The following SORCS1 variants were observed in gnomAD, a reference collection of about 807,000 sequenced individuals.
SORCS1 encodes VPS10 domain-containing receptor SorCS1.
A neutral mutation model predicts 146.1 loss-of-function variants in SORCS1; 60 were observed. The observed-to-expected ratio is 0.41, with a 90% CI of 0.33 to 0.51. The LOEUF is 0.51. Among genes scored for constraint, SORCS1 ranks in the 20% least tolerant of loss-of-function variants. The pLI is 0.21. For missense variants in SORCS1, 1,352 were observed against 1,487.6 expected (o/e 0.91, Z 1.50); for synonymous variants, 637 against 584.0 (o/e 1.09, Z -1.31).
chr10:106,885,920 C>T (rs1950982542), intron 2 of SORCS1, among the ~76,000 whole-genome samples: 1 of 152,118 alleles, frequency 6.6e-6, no homozygotes, highest in Admixed American at 6.6e-5. Context: ...TTCACCTTCC[C>T]CCATGATTGT....
chr10:106,582,551 T>A (rs556192364), intron 24 of SORCS1, among the ~76,000 whole-genome samples: 2 of 152,194 alleles, frequency 1.3e-5, no homozygotes, highest in Non-Finnish European at 2.9e-5. Context: ...GCCCAGCACT[T>A]AGGTGCATTT....
At chr10:107,109,487 A>T (rs78599085) in intron 1 of SORCS1, among the ~76,000 whole-genome samples, 1 of 152,200 alleles carries the variant, frequency 6.6e-6, no homozygotes, top group Non-Finnish European at 1.5e-5. Flanking sequence ...CCAAGGATGG[A>T]GCCAGAGGGG....
chr10:106,669,969 T>A (rs1851464027), intron 16 of SORCS1, among the ~76,000 whole-genome samples: 1 of 152,226 alleles, frequency 6.6e-6, no homozygotes. Flanking sequence ...GTTCAGTCAC[T>A]GATATTTTAA....
At chr10:107,168,095 G>T (rs2134978759), upstream of SORCS1, among the ~76,000 whole-genome samples, 1 of 152,266 alleles carries the variant, frequency 6.6e-6, no homozygotes, top group South Asian at 2.1e-4. Context: ...CATTTGGCAG[G>T]ATTCTCTACC....
chr10:107,055,720 T>C (rs1473703543), intron 1 of SORCS1, among the ~76,000 whole-genome samples: 1 of 152,154 alleles, frequency 6.6e-6, no homozygotes, highest in Non-Finnish European at 1.5e-5. Context: ...ATAATACGGC[T>C]GAACATTTCT....
chr10:106,769,021 T>C (rs928854098), intron 4 of SORCS1, among the ~76,000 whole-genome samples: 1 of 152,182 alleles, frequency 6.6e-6, no homozygotes, highest in South Asian at 2.1e-4. Flanking sequence ...CTGATCCTCT[T>C]ACCAGCTCAC....
chr10:106,830,713 T>C (rs1191041216), intron 2 of SORCS1, among the ~76,000 whole-genome samples: 6 of 151,836 alleles, frequency 4.0e-5, no homozygotes, highest in African/African-American at 1.2e-4. Context: ...CTGGCCAACG[T>C]TGCGACACTC....
At chr10:106,581,318 T>TACACAC (rs201071933) in intron 24 of SORCS1, among the ~76,000 whole-genome samples, 13 of 125,662 alleles carry the variant, frequency 1.0e-4, no homozygotes, top group Non-Finnish European at 2.1e-4. Flanking sequence ...TGAATCGTCA[T>TACACAC]ACATACACAC....
Position 107,034,680 on chromosome 10 carries a change from C to CAAAAAAAAAAAAAAAAA in SORCS1, c.559-78117_559-78101dup, listed in dbSNP as rs553032484. On this transcript the variant is annotated intron_variant, in intron 1 of 25. Transcript: ENST00000263054. ...GGGAAACATGAGCGAAACTCCATCT[C>CAAAAAAAAAAAAAAAAA]AAAAAAAAAAAAAAAAAAAAAAAAA... Among the ~76,000 whole-genome samples the CAAAAAAAAAAAAAAAAA allele has an allele frequency of 5.8e-4, 8 of 13,796 alleles. 1 individual carries two copies. The highest frequency in any genetic ancestry group is 5.6e-3 in the East Asian group (2 of 360). 9.1% of individuals were successfully genotyped at this position (13,796 alleles called of 152,430 possible).
At chr10:107,077,811 T>A (rs1406631113) in intron 1 of SORCS1, among the ~76,000 whole-genome samples, 5 of 151,930 alleles carry the variant, frequency 3.3e-5, no homozygotes, top group Non-Finnish European at 7.4e-5. Flanking sequence ...ATACTACATA[T>A]GGCAATGGAA....
intron 1 of SORCS1, among the ~76,000 whole-genome samples, chr10:107,013,355 A>C (rs1564925725): frequency 6.6e-6 from 1 of 152,060 alleles, no homozygotes; most frequent in African/African-American, 2.4e-5. Flanking sequence ...GAAAGGTTTC[A>C]GATCTAGCCA....
At chr10:106,603,286 G>A (rs572466281) in intron 23 of SORCS1, among the ~76,000 whole-genome samples, 86 of 152,272 alleles carry the variant, frequency 5.6e-4, no homozygotes, top group African/African-American at 1.8e-3. Context: ...AGCAGCACGC[G>A]CTCCCCTTGA....
chr10:106,686,317 G>T lies in SORCS1; in HGVS notation c.1560+1875C>A, dbSNP rs552353350. Among the ~76,000 whole-genome samples, 164 of 152,256 alleles carry T rather than the reference G, an allele frequency of 1.1e-3. No individual in the cohort carries two copies. The Middle Eastern group carries it at 0.014, about 13-fold the overall frequency. ...AAGAGTTTCTGACACTGCGTTGGGG[G>T]TGAAGCAGGGAATACCTTGCTAAGT... On this transcript the variant is annotated intron_variant, in intron 10 of 25. Transcript: ENST00000263054.
Position 106,577,643 on chromosome 10 carries a change from C to G in SORCS1, c.3372-88G>C, listed in dbSNP as rs891945723. 2.6e-6 allele frequency: 4 copies of G among 1,566,842 alleles called. No individual in the cohort carries two copies. The Admixed American group carries it at 7.2e-5, about 28-fold the overall frequency. On this transcript the variant is annotated intron_variant, in intron 25 of 25. Coordinates refer to ENST00000263054, the MANE Select transcript of SORCS1 (RefSeq NM_052918.5). Reference sequence around the variant, plus strand: ...CTTTGCAATGTGCTGCGATATCTTCCTGGAGAAGGAGGAATTACTACTTTA... The same window carrying G: ...CTTTGCAATGTGCTGCGATATCTTCGTGGAGAAGGAGGAATTACTACTTTA...
At chr10:107,005,676 A>G (rs952869177) in intron 1 of SORCS1, among the ~76,000 whole-genome samples, 1 of 152,112 alleles carries the variant, frequency 6.6e-6, no homozygotes, top group Non-Finnish European at 1.5e-5. Flanking sequence ...TCTGTACCCT[A>G]TGTATTTTCC....
At chr10:107,138,090 T>C (rs139376721) in intron 1 of SORCS1, among the ~76,000 whole-genome samples, 1,902 of 152,320 alleles carry the variant, frequency 0.012, 35 homozygotes, top group African/African-American at 0.043. Context: ...ATTTCTCTTA[T>C]ATTTTCATTT....
intron 2 of SORCS1, among the ~76,000 whole-genome samples, chr10:106,942,982 A>G (rs1954131538): frequency 6.6e-6 from 1 of 151,750 alleles, no homozygotes; most frequent in Non-Finnish European, 1.5e-5. Flanking sequence ...ATTTCCCTTC[A>G]CAGCTCCTTC....
At chr10:106,739,363 C>A (rs1358457841) in intron 5 of SORCS1, among the ~76,000 whole-genome samples, 1 of 151,750 alleles carries the variant, frequency 6.6e-6, no homozygotes, top group South Asian at 2.1e-4. Flanking sequence ...CACATACCTG[C>A]AATCCCAGCT....
At chr10:106,628,099 G>T (rs764596900) in intron 19 of SORCS1, among the ~76,000 whole-genome samples, 4 of 152,210 alleles carry the variant, frequency 2.6e-5, no homozygotes, top group Non-Finnish European at 4.4e-5. Context: ...GGCATACTGA[G>T]AATCATGTGT....
Sources: allele counts gnomAD v4.1 joint callset (sites outside exome capture counted in the v4.1 genomes callset), GRCh38; gene constraint gnomAD v4.1.1; transcripts MANE v1.5; gene names NCBI Gene and HGNC (gene_info 2026-07-23, HGNC 2026-07-21).